Variants in MGAT4C observed in about 807,000 individuals in gnomAD.
MGAT4C encodes the protein MGAT4 family member C, also known as alpha-1,3-mannosyl-glycoprotein 4-beta-N-acetylglucosaminyltransferase C.
In MGAT4C, 19 loss-of-function variants were observed where a neutral mutation model predicts 40.1. That is an observed-to-expected ratio of 0.47 (90% CI 0.33 to 0.70). The LOEUF is 0.70. Ranked by LOEUF, MGAT4C falls within the 30% of genes least tolerant of loss-of-function variation. The probability of loss-of-function intolerance (pLI) is 0.02; values close to 1 mark genes in which losing one functional copy is unlikely to be tolerated. For synonymous variants in MGAT4C, 181 were observed against 187.1 expected, an observed-to-expected ratio of 0.97 and a Z score of 0.27; for missense variants, 491 against 563.2, an observed-to-expected ratio of 0.87 and a Z score of 1.30.
At chr12:86,622,585 A>C (rs1052351618) in intron 2 of MGAT4C, among the ~76,000 whole-genome samples, 1 of 152,186 alleles carries the variant, frequency 6.6e-6, no homozygotes, top group African/African-American at 2.4e-5. Context: ...CCCATGACTA[A>C]AAGCTGTACC....
chr12:86,382,103 A>T (rs1426586783), intron 3 of MGAT4C, among the ~76,000 whole-genome samples: 3 of 152,238 alleles, frequency 2.0e-5, no homozygotes. Flanking sequence ...TGGAGGGCTC[A>T]GAAGAATACA....
At position 86,475,321 on chromosome 12, in the gene MGAT4C, G is replaced by T. The variant is rs78213970; in HGVS notation, c.-228-40056C>A. ...AATAATTACCAAATAGAATTTGGTT[G>T]CGAAATGGTCACAAAGATAATTGCA... On this transcript the variant is annotated intron_variant, in intron 2 of 7. Coordinates refer to the MGAT4C transcript ENST00000548651. Among the ~76,000 whole-genome samples the T allele has an allele frequency of 2.6e-4, 40 of 152,080 alleles. 4 individuals are homozygous for T. In the East Asian group the frequency reaches 7.5e-3, roughly 29 times the overall value.
chr12:86,142,432 A>G (rs1593056945), intron 1 of MGAT4C, among the ~76,000 whole-genome samples: 2 of 152,246 alleles, frequency 1.3e-5, no homozygotes, highest in East Asian at 3.9e-4. Flanking sequence ...TGGGTTGCTC[A>G]TTTTCCTGTC....
At chr12:86,813,410 T>A (rs1475026124) in intron 1 of MGAT4C, among the ~76,000 whole-genome samples, 1 of 143,596 alleles carries the variant, frequency 7.0e-6, no homozygotes, top group Non-Finnish European at 1.5e-5. Flanking sequence ...TTTAATTTAC[T>A]CTAAAGAAAT....
At chr12:86,807,024 TA>T (rs1471201645) in intron 1 of MGAT4C, among the ~76,000 whole-genome samples, 1 of 149,826 alleles carries the variant, frequency 6.7e-6, no homozygotes, top group Admixed American at 6.7e-5. Flanking sequence ...TATATATAAA[TA>T]AAAAATAAAT....
At chr12:86,149,784 T>C (rs778509547) in intron 1 of MGAT4C, among the ~76,000 whole-genome samples, 3 of 152,334 alleles carry the variant, frequency 2.0e-5, no homozygotes, top group Admixed American at 6.5e-5. Flanking sequence ...TATGAAAATT[T>C]ATCTTCAAAT....
At chr12:86,817,576 A>G (rs2136223410) in intron 1 of MGAT4C, among the ~76,000 whole-genome samples, 1 of 151,688 alleles carries the variant, frequency 6.6e-6, no homozygotes, top group African/African-American at 2.4e-5. Context: ...TTATTGAGAA[A>G]TAGGCCTACT....
At chr12:86,283,239 G>T (rs1953264107) in intron 4 of MGAT4C, among the ~76,000 whole-genome samples, 2 of 151,870 alleles carry the variant, frequency 1.3e-5, no homozygotes, top group South Asian at 4.2e-4. Context: ...TAACTGTGAG[G>T]TTCACCTCTT....
chr12:86,747,907 ATGAATG>A (rs1814521907), intron 1 of MGAT4C, among the ~76,000 whole-genome samples: 1 of 151,572 alleles, frequency 6.6e-6, no homozygotes, highest in African/African-American at 2.4e-5. Flanking sequence ...TATCCACACA[ATGAATG>A]TGGGATGCTA....
chr12:86,788,584 G>A (rs987452454), intron 1 of MGAT4C, among the ~76,000 whole-genome samples: 2 of 151,858 alleles, frequency 1.3e-5, no homozygotes, highest in Non-Finnish European at 2.9e-5. Flanking sequence ...CCATAATTTG[G>A]CCAGAGTCAA....
intron 1 of MGAT4C, among the ~76,000 whole-genome samples, chr12:86,172,807 A>G (rs1192627524): frequency 2.0e-5 from 3 of 152,076 alleles, no homozygotes; most frequent in African/African-American, 7.2e-5. Context: ...GATCACTTCT[A>G]ATGTTGCTGA....
intron 1 of MGAT4C, among the ~76,000 whole-genome samples, chr12:86,223,855 G>C (rs1017869632): frequency 6.6e-6 from 1 of 152,090 alleles, no homozygotes; most frequent in Non-Finnish European, 1.5e-5. Context: ...CAGTGAAATG[G>C]GGCCTTGGCC....
At chr12:86,495,465 G>C (rs1476021979) in intron 2 of MGAT4C, 1 of 152,048 alleles carries the variant, frequency 6.6e-6, no homozygotes, top group Non-Finnish European at 1.5e-5. Context: ...CACATCTATA[G>C]TGCATAGGAT....
chr12:86,556,376 T>A (rs956691207), intron 2 of MGAT4C, among the ~76,000 whole-genome samples: 5 of 152,318 alleles, frequency 3.3e-5, no homozygotes, highest in African/African-American at 1.2e-4. Flanking sequence ...ATAACTTACT[T>A]CACATATACT....
At chr12:86,692,302 C>T (rs971619981) in intron 2 of MGAT4C, among the ~76,000 whole-genome samples, 3 of 152,046 alleles carry the variant, frequency 2.0e-5, no homozygotes, top group Non-Finnish European at 4.4e-5. Flanking sequence ...TATCACAGTA[C>T]GTACATAGTA....
intron 2 of MGAT4C, among the ~76,000 whole-genome samples, chr12:86,517,943 C>T (rs1477155101): frequency 6.6e-6 from 1 of 152,120 alleles, no homozygotes; most frequent in Non-Finnish European, 1.5e-5. Flanking sequence ...CCACCGTGCC[C>T]GGCCGACTTT....
intron 2 of MGAT4C, among the ~76,000 whole-genome samples, chr12:86,507,722 T>C (rs1194394789): frequency 6.6e-6 from 1 of 152,218 alleles, no homozygotes; most frequent in African/African-American, 2.4e-5. Flanking sequence ...TTCCCTCTTA[T>C]GCAATATTAT....
At chr12:86,032,074 T>C (rs1247427858) in intron 2 of MGAT4C, among the ~76,000 whole-genome samples, 1 of 151,940 alleles carries the variant, frequency 6.6e-6, no homozygotes, top group Non-Finnish European at 1.5e-5. Context: ...TCTCCATCTG[T>C]GTTGCTGCAA....
At chr12:86,637,153 T>G (rs1963244171) in intron 2 of MGAT4C, among the ~76,000 whole-genome samples, 1 of 151,930 alleles carries the variant, frequency 6.6e-6, no homozygotes, top group Non-Finnish European at 1.5e-5. Context: ...ATTCATTGAT[T>G]ACAGTTTTTG....
Sources: allele counts gnomAD v4.1 joint callset (sites outside exome capture counted in the v4.1 genomes callset), GRCh38; gene constraint gnomAD v4.1.1; transcripts MANE v1.5; gene names NCBI Gene and HGNC (gene_info 2026-07-23, HGNC 2026-07-21).